The following GPSM1 variants were observed in gnomAD, a reference collection of about 807,000 sequenced individuals.
GPSM1 encodes the protein G protein signaling modulator 1, also known as G protein-signaling modulator 1.
GPSM1 carries 48 observed loss-of-function variants against 70.5 expected under a neutral mutation model. The ratio of observed to expected loss-of-function variants is 0.68; its 90% confidence interval spans 0.54 to 0.87. GPSM1 has a LOEUF of 0.87. GPSM1 is among the 40% of genes least tolerant of loss of function. The pLI is 0.00. For synonymous variants in GPSM1, 416 were observed against 430.1 expected, an observed-to-expected ratio of 0.97 and a Z score of 0.41; for missense variants, 981 against 972.6, an observed-to-expected ratio of 1.01 and a Z score of -0.11.
chr9:136,354,339 C>A (rs1161201541), intron 11 of GPSM1, among the ~76,000 whole-genome samples: 1 of 152,198 alleles, frequency 6.6e-6, no homozygotes, highest in African/African-American at 2.4e-5. Context: ...GAGCCCTAGT[C>A]CTGGGCTGTG....
chr9:136,339,765 C>A lies in GPSM1; in HGVS notation c.1033C>A (p.Pro345Thr), dbSNP rs782781438. ...LGNAYVSMGR[P>T]AQALTFAKKH... The stretch of plus-strand genomic sequence containing the variant: ...AAATGCCTACGTGTCCATGGGGCGC[C>A]CAGCGCAGGCCCTGACCTTCGCCAA... Residue 345 changes from proline to threonine, a missense_variant, in exon 8 of 14, where the codon CCA (proline) becomes ACA (threonine). By Grantham distance (38) the Pro-to-Thr change is conservative (BLOSUM62 -1). Transcript: ENST00000440944. 4 of 1,550,200 alleles carry A rather than the reference C, an allele frequency of 2.6e-6. No homozygotes were observed. In the Admixed American group the frequency reaches 7.8e-5, roughly 30 times the overall value.
intron 10 of GPSM1, among the ~76,000 whole-genome samples, chr9:136,349,298 C>T (rs930354348): frequency 2.0e-5 from 3 of 152,356 alleles, no homozygotes; most frequent in African/African-American, 4.8e-5. Flanking sequence ...TGTGGATGGC[C>T]GTCAGGGTTC....
At chr9:136,336,218 C>A in intron 3 of GPSM1, 117 bp downstream of exon 3, 1 of 1,227,618 alleles carries the variant, frequency 8.1e-7, no homozygotes, top group Non-Finnish European at 1.1e-6. Flanking sequence ...GGAGGGATGA[C>A]AGGGAGGTCG....
At chr9:136,354,226 CTCT>C (rs1832749708) in intron 11 of GPSM1, among the ~76,000 whole-genome samples, 1 of 152,216 alleles carries the variant, frequency 6.6e-6, no homozygotes, top group Non-Finnish European at 1.5e-5. Flanking sequence ...TGAATCCCAG[CTCT>C]TTTTTGCTCC....
intron 1 of GPSM1, among the ~76,000 whole-genome samples, chr9:136,329,837 G>T (rs1301981651): frequency 6.6e-6 from 1 of 150,900 alleles, no homozygotes; most frequent in Non-Finnish European, 1.5e-5. Flanking sequence ...GGTGGGGACG[G>T]GGCCCTGGGT....
rs560753481 is a variant in GPSM1, at chr9:136,350,250, G to T, written c.1455+487G>T. Among the ~76,000 whole-genome samples, 8 of 152,386 alleles carry T rather than the reference G, an allele frequency of 5.2e-5. No homozygotes were observed. The East Asian group carries it at 1.3e-3, about 26-fold the overall frequency. On this transcript the variant is annotated intron_variant, in intron 11 of 13. Coordinates refer to ENST00000440944, the MANE Select transcript of GPSM1 (RefSeq NM_001145638.3). ...CGGGCTGCACAGATCCCCTGATGGG[G>T]TGCCCCTTCCTGAGGTGGCTCTTGG...
chr9:136,338,711 G>T lies in GPSM1; in HGVS notation c.974+1G>T. On this transcript the variant is annotated splice_donor_variant, in intron 7 of 13. Coordinates refer to ENST00000440944, the MANE Select transcript of GPSM1 (RefSeq NM_001145638.3). LOFTEE classifies it high-confidence loss of function. ...TCATTGCCCAGGAGCTGGCCGACAG[G>T]TGCGTGGGCGCGGACGCGGCGGGCA... is the stretch of plus-strand genomic sequence containing the variant. The T allele has an allele frequency of 6.5e-7, 1 of 1,548,498 alleles. No individual in the cohort carries two copies. Among genetic ancestry groups the T allele is most frequent in the Non-Finnish European group, 8.7e-7 (1 of 1,148,044 alleles).
At position 136,341,526 on chromosome 9, in the gene GPSM1, A is replaced by C; in HGVS notation, c.1207+533A>C. ...AGCAGTGCTGCAGACACAGGACAGA[A>C]CGTCCCCTGCAAAGCGAAAAGACTA... On this transcript the variant is annotated intron_variant, in intron 9 of 13. Transcript: ENST00000440944. The surrounding 1 kb of genome is among the most constrained non-coding windows in gnomAD (Gnocchi z 6.7). The C allele has an allele frequency of 8.8e-7, 1 of 1,138,796 alleles. No homozygotes were observed. The highest frequency in any genetic ancestry group is 1.1e-6 in the Non-Finnish European group (1 of 924,528). 70.5% of individuals were successfully genotyped at this position (1,138,796 alleles called of 1,614,324 possible). A position where few individuals can be genotyped will look rare whatever the true frequency, so the allele number is the denominator to read the frequency against.
chr9:136,359,099 C>G lies in GPSM1; in HGVS notation c.*879C>G, dbSNP rs1009118492. 1 of 152,352 alleles carries G rather than the reference C, an allele frequency of 6.6e-6. No homozygotes were observed. The highest frequency in any genetic ancestry group is 1.5e-5 in the Non-Finnish European group (1 of 68,082). The allele number at this position is 152,352 out of a possible 1,614,324, so 9.4% of individuals were successfully genotyped here. The stretch of plus-strand genomic sequence containing the variant: ...CCTGCAGACCCCCCATATGAGAACC[C>G]CCCTCCTCCCACCAGCTGGGGGAGA... On this transcript the variant is annotated 3_prime_UTR_variant, in exon 14 of 14. Transcript: ENST00000440944.
chr9:136,334,272 G>A (rs1588690643), intron 1 of GPSM1, among the ~76,000 whole-genome samples, 175 bp from the exon 2 acceptor site: 1 of 152,232 alleles, frequency 6.6e-6, no homozygotes, highest in South Asian at 2.1e-4. Context: ...GCGCCCTTGG[G>A]CCGCACACGT....
intron 9 of GPSM1, 49 bp from the exon 10 acceptor site, chr9:136,348,648 T>A: frequency 7.0e-7 from 1 of 1,424,042 alleles, no homozygotes. Context: ...GCCCACCCAA[T>A]GCGAGGTGCC....
chr9:136,333,179 C>T (rs1832143112), intron 1 of GPSM1, among the ~76,000 whole-genome samples: 2 of 152,224 alleles, frequency 1.3e-5, no homozygotes, highest in Non-Finnish European at 2.9e-5. Flanking sequence ...TCCTGGGGCC[C>T]CCCAAGCTGC....
intron 9 of GPSM1, among the ~76,000 whole-genome samples, chr9:136,344,125 AGGGAGGTGCGGACAGGAACGG>A (rs1337342417): frequency 3.6e-5 from 5 of 138,462 alleles, no homozygotes; most frequent in African/African-American, 8.1e-5. Context: ...AAAGCCCAAC[AGGGAGGTGCGGACAGGAACGG>A]GGGAGGTGCG....
chr9:136,348,741 G>C lies in GPSM1; in HGVS notation c.1252G>C (p.Asp418His). The change falls in exon 10 of 14, where the codon GAC becomes CAC. Residue 418 changes from aspartate (D) to histidine (H), a missense_variant. By Grantham distance (81) the Asp-to-His change is moderately conservative (BLOSUM62 -1). Coordinates refer to ENST00000440944, the MANE Select transcript of GPSM1 (RefSeq NM_001145638.3). ...RTQRLSAETW[D>H]LLRLPLEREQ... Reference sequence around the variant, plus strand: ...GCAGAGGCTGAGCGCGGAGACCTGGGACCTGCTGAGACTCCCCCTGGAGCG... The same window carrying C: ...GCAGAGGCTGAGCGCGGAGACCTGGCACCTGCTGAGACTCCCCCTGGAGCG... 1 of 1,612,232 alleles carries C rather than the reference G, an allele frequency of 6.2e-7. No homozygotes were observed. Among genetic ancestry groups the C allele is most frequent in the Non-Finnish European group, 8.5e-7 (1 of 1,179,508 alleles).
At chr9:136,338,503 C>G (rs1449898945) in intron 6 of GPSM1, 52 bp from the exon 7 acceptor site, 1 of 1,551,232 alleles carries the variant, frequency 6.4e-7, no homozygotes, top group African/African-American at 1.4e-5. Flanking sequence ...TTACCTTCCA[C>G]CCCTCACCCT....
In GPSM1 at chr9:136,355,831, C is replaced by T. The variant is rs782579797; in HGVS notation, c.1597C>T (p.Leu533=). 4.3e-6 allele frequency: 7 copies of T among 1,610,002 alleles called. No homozygotes were observed. In the South Asian group the frequency reaches 7.7e-5, roughly 18 times the overall value. Residue 533 remains leucine, a synonymous_variant, in exon 12 of 14, where the codon CTG becomes TTG. Transcript: ENST00000440944. The part of the protein sequence containing the change: ...GAAEATAAPT[L]EDRIAQPSMT... ...TGCCGAGGCCACGGCCGCCCCCACC[C>T]TGGAGGACAGGATCGGTGAGTGCCC...
chr9:136,336,221 G>C, intron 3 of GPSM1, 120 bp downstream of exon 3: 1 of 1,204,028 alleles, frequency 8.3e-7, no homozygotes, highest in Admixed American at 2.1e-5. Context: ...GGGATGACAG[G>C]GAGGTCGGTC....
intron 1 of GPSM1, chr9:136,332,040 G>T: frequency 5.0e-6 from 2 of 398,862 alleles, no homozygotes; most frequent in Non-Finnish European, 8.8e-6. Flanking sequence ...CCCGCCTCTG[G>T]CCCTGAGCTT....
chr9:136,341,185 C>T lies in GPSM1; in HGVS notation c.1207+192C>T, dbSNP rs1462694826. 21 of 1,546,456 alleles carry T rather than the reference C, an allele frequency of 1.4e-5. No individual in the cohort carries two copies. The highest frequency in any genetic ancestry group is 5.5e-5 in the African/African-American group (4 of 72,886). On this transcript the variant is annotated intron_variant, in intron 9 of 13. Coordinates refer to ENST00000440944, the MANE Select transcript of GPSM1 (RefSeq NM_001145638.3). The surrounding 1 kb of genome is among the most constrained non-coding windows in gnomAD (Gnocchi z 6.7). ...AGGTTCACCCTGAGCCCTTCCCACC[C>T]GCATCCTGAGTGGCGCTGCAGGGCT...
Sources: allele counts gnomAD v4.1 joint callset (sites outside exome capture counted in the v4.1 genomes callset), GRCh38; gene constraint gnomAD v4.1.1; non-coding constraint Gnocchi (gnomAD v3.1); transcripts MANE v1.5; gene names NCBI Gene and HGNC (gene_info 2026-07-23, HGNC 2026-07-21).